The following SSH2 variants were observed in gnomAD, a reference collection of about 807,000 sequenced individuals.
The protein encoded by SSH2 is protein phosphatase Slingshot homolog 2.
SSH2 carries 37 observed loss-of-function variants against 135.2 expected under a neutral mutation model. The observed-to-expected ratio is 0.27, with a 90% CI of 0.21 to 0.36. The LOEUF is 0.36. Among genes scored for constraint, SSH2 ranks in the 10% least tolerant of loss-of-function variants. SSH2 has a pLI of 1.00. For missense variants in SSH2, 1,408 were observed against 1,765.3 expected (o/e 0.80, Z 3.63); for synonymous variants, 628 against 646.2 (o/e 0.97, Z 0.43).
At chr17:29,915,957 C>A (rs887761678) in intron 1 of SSH2, among the ~76,000 whole-genome samples, 5 of 150,104 alleles carry the variant, frequency 3.3e-5, no homozygotes, top group African/African-American at 1.2e-4. Context: ...TTAGGTATAT[C>A]TCCTAATGCT....
intron 2 of SSH2, among the ~76,000 whole-genome samples, chr17:29,844,882 C>A (rs2043105133): frequency 1.3e-5 from 2 of 152,214 alleles, no homozygotes; most frequent in Non-Finnish European, 2.9e-5. Flanking sequence ...TGGCCTCCAG[C>A]CAAATTTATT....
At chr17:29,768,111 G>A (rs2041489028) in intron 3 of SSH2, among the ~76,000 whole-genome samples, 1 of 151,706 alleles carries the variant, frequency 6.6e-6, no homozygotes, top group South Asian at 2.1e-4. Context: ...GGCCCAAGAT[G>A]CTCTTCTATA....
intron 11 of SSH2, among the ~76,000 whole-genome samples, chr17:29,659,385 T>C (rs2151018261): frequency 6.6e-6 from 1 of 152,328 alleles, no homozygotes; most frequent in East Asian, 1.9e-4. Flanking sequence ...AGCTTTTGAA[T>C]TTTTGCCAGT....
At chr17:29,896,616 C>T (rs998169138) in intron 1 of SSH2, among the ~76,000 whole-genome samples, 3 of 151,090 alleles carry the variant, frequency 2.0e-5, no homozygotes, top group Middle Eastern at 3.4e-3. Flanking sequence ...CTATATGGTC[C>T]ATTCAATCCC....
At chr17:29,804,429 T>C (rs1373276745) in intron 2 of SSH2, among the ~76,000 whole-genome samples, 1 of 152,162 alleles carries the variant, frequency 6.6e-6, no homozygotes, top group Non-Finnish European at 1.5e-5. Flanking sequence ...GAAAAAAAAG[T>C]CCTTGGACAA....
At chr17:29,775,309 G>C (rs1555631781) in intron 3 of SSH2, among the ~76,000 whole-genome samples, 1 of 141,222 alleles carries the variant, frequency 7.1e-6, no homozygotes, top group African/African-American at 2.6e-5. Flanking sequence ...TTTTTTTTGA[G>C]ACAGGGTCTG....
Position 29,742,435 on chromosome 17 carries a change from C to A in SSH2, c.189-39373G>T, listed in dbSNP as rs1328671731. On this transcript the variant is annotated intron_variant, in intron 3 of 15. Coordinates refer to ENST00000540801, the MANE Select transcript of SSH2 (RefSeq NM_001282129.2). ...CTGGGCTCAAACAATCCTCCTGGGT[C>A]AGCCTCCTGGGTAGTTAGGACGAGA... Among the ~76,000 whole-genome samples, 6 of 148,168 alleles carry A rather than the reference C, an allele frequency of 4.0e-5. No individual in the cohort carries two copies. In the East Asian group the frequency reaches 7.9e-4, roughly 19 times the overall value.
At chr17:29,770,301 G>A (rs999945992) in intron 3 of SSH2, among the ~76,000 whole-genome samples, 4 of 151,694 alleles carry the variant, frequency 2.6e-5, no homozygotes, top group Non-Finnish European at 4.4e-5. Context: ...TAGAGACAAG[G>A]TTTTGCCACC....
At chr17:29,910,608 G>A (rs568222831) in intron 1 of SSH2, among the ~76,000 whole-genome samples, 27 of 152,246 alleles carry the variant, frequency 1.8e-4, no homozygotes, top group Admixed American at 1.6e-3. Context: ...ATTTGTAACT[G>A]TTTATGGTTG....
intron 1 of SSH2, chr17:29,883,034 C>T (rs1017781159): frequency 3.3e-5 from 5 of 151,918 alleles, no homozygotes; most frequent in African/African-American, 1.2e-4. Context: ...AGCATGGTGA[C>T]TGGGTTTTCA....
chr17:29,667,030 A>C, intron 10 of SSH2, 35 bp from the exon 11 acceptor site: 1 of 1,613,764 alleles, frequency 6.2e-7, no homozygotes, highest in Non-Finnish European at 8.5e-7. Flanking sequence ...CCCATCTCTT[A>C]AAGTCCCTCT....
chr17:29,846,308 A>G (rs2043132869), intron 2 of SSH2, among the ~76,000 whole-genome samples: 1 of 152,222 alleles, frequency 6.6e-6, no homozygotes, highest in Admixed American at 6.5e-5. Context: ...AGCTGGGATT[A>G]CAGGCATGAG....
intron 1 of SSH2, among the ~76,000 whole-genome samples, chr17:29,863,213 C>T (rs770389081): frequency 1.3e-5 from 2 of 152,056 alleles, no homozygotes; most frequent in Non-Finnish European, 2.9e-5. Context: ...CTAGAGCACA[C>T]AATTCAGCCT....
intron 2 of SSH2, among the ~76,000 whole-genome samples, chr17:29,795,505 A>G (rs1469084327): frequency 6.6e-6 from 1 of 152,178 alleles, no homozygotes; most frequent in African/African-American, 2.4e-5. Flanking sequence ...TGCCCTTTAG[A>G]GACTGAAAAA....
chr17:29,666,163 A>G lies in SSH2; in HGVS notation c.1032+704T>C, dbSNP rs537034097. On this transcript the variant is annotated intron_variant, in intron 11 of 15. Coordinates refer to ENST00000540801, the MANE Select transcript of SSH2 (RefSeq NM_001282129.2). Reference sequence around the variant, plus strand: ...CTAGGTGAGTGGATTGCTTGAGCTCAGGAGTTCGAGACCACCCTGGGAAAC... The same window carrying G: ...CTAGGTGAGTGGATTGCTTGAGCTCGGGAGTTCGAGACCACCCTGGGAAAC... Among the ~76,000 whole-genome samples, 468 of 152,306 alleles carry G rather than the reference A, an allele frequency of 3.1e-3. 2 individuals carry two copies. Among genetic ancestry groups the G allele is most frequent in the Non-Finnish European group, 5.2e-3 (355 of 68,032 alleles).
chr17:29,667,373 G>A (rs1421361500), intron 9 of SSH2, 150 bp from the exon 10 acceptor site: 15 of 630,656 alleles, frequency 2.4e-5, no homozygotes. Flanking sequence ...TTAGAGCGTG[G>A]GTCCCCAGTG....
chr17:29,761,854 T>C (rs529031003), intron 3 of SSH2, among the ~76,000 whole-genome samples: 10 of 131,064 alleles, frequency 7.6e-5, no homozygotes, highest in African/African-American at 2.8e-4. Context: ...TGTGTGTGTG[T>C]GTGTGTGTGT....
At chr17:29,798,040 C>T (rs919149795) in intron 2 of SSH2, among the ~76,000 whole-genome samples, 4 of 152,072 alleles carry the variant, frequency 2.6e-5, no homozygotes, top group Admixed American at 1.3e-4. Flanking sequence ...AGCATTTACA[C>T]CGCTTTATAC....
chr17:29,888,927 A>G, intron 1 of SSH2, among the ~76,000 whole-genome samples: 1 of 117,116 alleles, frequency 8.5e-6, no homozygotes, highest in African/African-American at 3.3e-5. Flanking sequence ...GTGAGACACT[A>G]TCTCAAAAAA....
Sources: allele counts gnomAD v4.1 joint callset (sites outside exome capture counted in the v4.1 genomes callset), GRCh38; gene constraint gnomAD v4.1.1; transcripts MANE v1.5; gene names NCBI Gene and HGNC (gene_info 2026-07-23, HGNC 2026-07-21).